Variants in ADAM23 observed in about 807,000 individuals in gnomAD.
The protein encoded by ADAM23 is disintegrin and metalloproteinase domain-containing protein 23.
In ADAM23, 33 loss-of-function variants were observed where a neutral mutation model predicts 120.1. The ratio of observed to expected loss-of-function variants is 0.27; its 90% CI spans 0.21 to 0.37. The LOEUF (loss-of-function observed/expected upper bound fraction) is 0.37. Ranked by LOEUF, ADAM23 falls within the 10% of genes least tolerant of loss-of-function variation. ADAM23 has a pLI of 1.00. For synonymous variants in ADAM23, 367 were observed against 375.2 expected (o/e 0.98, Z 0.25); for missense variants, 862 against 1,058.2 (o/e 0.81, Z 2.57).
chr2:206,477,897 A>ATATATAT (rs1553548673), intron 2 of ADAM23, among the ~76,000 whole-genome samples: 93 of 93,554 alleles, frequency 9.9e-4, no homozygotes, highest in Admixed American at 1.4e-3. Flanking sequence ...AAAAAAAAAA[A>ATATATAT]ATATATATAT....
At chr2:206,522,830 T>C (rs999451430) in intron 3 of ADAM23, among the ~76,000 whole-genome samples, 1 of 151,054 alleles carries the variant, frequency 6.6e-6, no homozygotes, top group African/African-American at 2.4e-5. Flanking sequence ...TTTTATGACA[T>C]ACGGGGGTAA....
Position 206,461,641 on chromosome 2 carries a change from A to G in ADAM23, c.432+16117A>G, listed in dbSNP as rs114394844. Among the ~76,000 whole-genome samples, 740 of 152,262 alleles carry G rather than the reference A, an allele frequency of 4.9e-3. 6 individuals are homozygous for G. The highest frequency in any genetic ancestry group is 0.017 in the African/African-American group (692 of 41,552). On this transcript the variant is annotated intron_variant, in intron 2 of 25. Coordinates refer to ENST00000264377, the MANE Select transcript of ADAM23 (RefSeq NM_003812.4). ...ATGGGGTCTGGTGGTTTGCATTTTT[A>G]TAAGTCTCAGGTGATTTTGATCTGG...
At chr2:206,560,962 T>TA (rs1697751439) in intron 11 of ADAM23, among the ~76,000 whole-genome samples, 166 bp from the exon 12 acceptor site, 1 of 152,210 alleles carries the variant, frequency 6.6e-6, no homozygotes, top group African/African-American at 2.4e-5. Flanking sequence ...ATAACAAATT[T>TA]AAAGGTAATT....
chr2:206,594,652 C>T (rs1335917781), intron 22 of ADAM23, 85 bp from the exon 23 acceptor site: 10 of 1,496,880 alleles, frequency 6.7e-6, no homozygotes, highest in Admixed American at 3.6e-5. Flanking sequence ...ACAGCCTCTT[C>T]GGTTTTGTGA....
chr2:206,545,055 T>C (rs1431507926), intron 6 of ADAM23, among the ~76,000 whole-genome samples: 2 of 152,112 alleles, frequency 1.3e-5, no homozygotes, highest in African/African-American at 2.4e-5. Flanking sequence ...ATTAAGGCAC[T>C]GAGAGGTAAC....
intron 2 of ADAM23, among the ~76,000 whole-genome samples, chr2:206,458,910 C>T (rs1695356551): frequency 1.3e-5 from 2 of 152,124 alleles, no homozygotes; most frequent in Admixed American, 6.5e-5. Context: ...GACCTCCCAA[C>T]CCAGAAGAAA....
At chr2:206,461,268 G>A (rs765510478) in intron 2 of ADAM23, among the ~76,000 whole-genome samples, 3 of 151,966 alleles carry the variant, frequency 2.0e-5, no homozygotes, top group Non-Finnish European at 4.4e-5. Flanking sequence ...CACCATGTTG[G>A]TCAGGCTGGT....
chr2:206,445,553 A>G, intron 2 of ADAM23, 29 bp downstream of exon 2: 1 of 1,565,050 alleles, frequency 6.4e-7, no homozygotes, highest in Non-Finnish European at 8.7e-7. Context: ...ATGCAAAAGT[A>G]ACTATCATGA....
At chr2:206,547,526 T>C (rs1697423536) in intron 7 of ADAM23, 25 bp downstream of exon 7, 1 of 1,569,476 alleles carries the variant, frequency 6.4e-7, no homozygotes, top group South Asian at 1.1e-5. Context: ...AAAATAGCGA[T>C]TATATTTTAT....
intron 24 of ADAM23, among the ~76,000 whole-genome samples, chr2:206,604,147 T>A (rs1698690052): frequency 6.6e-6 from 1 of 151,934 alleles, no homozygotes; most frequent in Non-Finnish European, 1.5e-5. Flanking sequence ...GCACCTGTAG[T>A]CCCAGCTACT....
intron 3 of ADAM23, among the ~76,000 whole-genome samples, chr2:206,497,197 G>GA (rs1179240556): frequency 6.6e-6 from 1 of 151,682 alleles, no homozygotes; most frequent in Non-Finnish European, 1.5e-5. Context: ...GAGACACAAC[G>GA]AAAAAAGAGA....
chr2:206,465,299 C>G (rs991949479), intron 2 of ADAM23, among the ~76,000 whole-genome samples: 1 of 152,050 alleles, frequency 6.6e-6, no homozygotes, highest in Non-Finnish European at 1.5e-5. Flanking sequence ...CTCAGCCTCC[C>G]GAAGAATTGA....
In ADAM23 at chr2:206,484,798, G is replaced by A. The variant is rs375084039; in HGVS notation, c.509+3490G>A. On this transcript the variant is annotated intron_variant, in intron 3 of 25. Coordinates refer to ENST00000264377, the MANE Select transcript of ADAM23 (RefSeq NM_003812.4). ...GAATTGTAGCTTTCATAATCCCCAT[G>A]TGTCATGGGAGGGCCCCAGTGGGAG... 1.7e-4 allele frequency among the ~76,000 whole-genome samples: 26 copies of A among 152,312 alleles called. 1 individual carries two copies. The highest frequency in any genetic ancestry group is 6.2e-4 in the South Asian group (3 of 4,820).
intron 9 of ADAM23, among the ~76,000 whole-genome samples, chr2:206,552,747 C>T (rs989238066): frequency 1.3e-4 from 20 of 152,104 alleles, no homozygotes; most frequent in African/African-American, 4.1e-4. Flanking sequence ...GCGCAACCTG[C>T]GCCTCCGCAG....
chr2:206,586,046 C>T (rs535196488), intron 18 of ADAM23, among the ~76,000 whole-genome samples: 1 of 152,058 alleles, frequency 6.6e-6, no homozygotes, highest in African/African-American at 2.4e-5. Context: ...AAATCCAGAG[C>T]GACAACGGGA....
In ADAM23 at chr2:206,567,257, A is replaced by G; in HGVS notation, c.1429A>G (p.Ile477Val). The G allele has an allele frequency of 3.7e-6, 6 of 1,613,970 alleles. No homozygotes were observed. Among genetic ancestry groups the G allele is most frequent in the Non-Finnish European group, 5.1e-6 (6 of 1,179,876 alleles). ...TTCTCGAAAATTTTCAAAGTGCAGCATTTTGGAGTATAGAGACTTTTTACA... is the reference window on the plus strand; with the variant it reads ...TTCTCGAAAATTTTCAAAGTGCAGCGTTTTGGAGTATAGAGACTTTTTACA... Reference protein sequence around the residue: ...SHSRKFSKCSILEYRDFLQRG... With the variant: ...SHSRKFSKCSVLEYRDFLQRG... Residue 477 changes from isoleucine (I) to valine (V), a missense_variant, in exon 15 of 26, where the codon ATT (isoleucine) becomes GTT (valine). Ile to Val is a conservative substitution (Grantham distance 29). Transcript: ENST00000264377.
chr2:206,587,604 T>C (rs527399710), intron 19 of ADAM23, among the ~76,000 whole-genome samples: 2 of 151,872 alleles, frequency 1.3e-5, no homozygotes, highest in African/African-American at 4.8e-5. Context: ...ATGTAATGGC[T>C]GAAGAACTGG....
chr2:206,604,082 T>G (rs748612430), intron 24 of ADAM23, among the ~76,000 whole-genome samples: 1 of 151,804 alleles, frequency 6.6e-6, no homozygotes, highest in African/African-American at 2.4e-5. Flanking sequence ...CTGGCCAATA[T>G]GGTGAAACCC....
chr2:206,479,056 G>A (rs970559840), intron 2 of ADAM23, among the ~76,000 whole-genome samples: 5 of 152,138 alleles, frequency 3.3e-5, no homozygotes, highest in African/African-American at 4.8e-5. Context: ...TGCAAAGCAG[G>A]ACTTAATATG....
Sources: allele counts gnomAD v4.1 joint callset (sites outside exome capture counted in the v4.1 genomes callset), GRCh38; gene constraint gnomAD v4.1.1; transcripts MANE v1.5; gene names NCBI Gene and HGNC (gene_info 2026-07-23, HGNC 2026-07-21).